Variants in FAM131B observed in about 807,000 individuals in gnomAD.
FAM131B encodes the protein protein FAM131B.
Under a neutral mutation model 42.0 loss-of-function variants are expected in FAM131B, and 19 were observed. That is an observed-to-expected ratio of 0.45 (90% CI 0.32 to 0.66). FAM131B has a LOEUF of 0.66. Ranked by LOEUF, FAM131B falls within the 30% of genes least tolerant of loss-of-function variation. The probability of loss-of-function intolerance (pLI) is 0.05; values close to 1 mark genes in which losing one functional copy is unlikely to be tolerated. For synonymous variants in FAM131B, 183 were observed against 177.6 expected (o/e 1.03, Z -0.24); for missense variants, 370 against 468.4 (o/e 0.79, Z 1.94).
chr7:143,356,451 G>A lies in FAM131B; in HGVS notation c.*99C>T, dbSNP rs1348993742. 28 of 868,342 alleles carry A rather than the reference G, an allele frequency of 3.2e-5. No individual in the cohort carries two copies. The Admixed American group carries it at 6.1e-4, about 19-fold the overall frequency. 53.8% of individuals were successfully genotyped at this position (868,342 alleles called of 1,614,324 possible). On this transcript the variant is annotated 3_prime_UTR_variant, in exon 7 of 7. Coordinates refer to ENST00000443739, the MANE Select transcript of FAM131B (RefSeq NM_001031690.3). This position sits in a 1 kb window ranked among gnomAD's most constrained non-coding sequence, Gnocchi z 4.4. ...GGAAGCTCCTGGGTTCCCCAATGTT[G>A]TCTGCCCAGTTTCAGCTGTACTGCT...
Position 143,359,846 on chromosome 7 carries a change from T to C in FAM131B, c.139-79A>G. The C allele has an allele frequency of 7.2e-7, 1 of 1,381,290 alleles. No homozygotes were observed. The highest frequency in any genetic ancestry group is 1.0e-6 in the Non-Finnish European group (1 of 993,938). The allele number at this position is 1,381,290 out of a possible 1,614,324, so 85.6% of individuals were successfully genotyped here. On this transcript the variant is annotated intron_variant, in intron 2 of 6. Transcript: ENST00000443739. This position sits in a 1 kb window ranked among gnomAD's most constrained non-coding sequence, Gnocchi z 5.4. ...GGAAGCCCCCTTCCTCAGAGGGCCT[T>C]CCAGGAGTGCGGGATGTGGGGAGGG...
At position 143,356,576 on chromosome 7, in the gene FAM131B, C is replaced by T; in HGVS notation, c.1057G>A (p.Glu353Lys). ...VTSSGVQSFDEEEGEANN is the reference protein window; with the variant it reads ...VTSSGVQSFDKEEGEANN The stretch of plus-strand genomic sequence containing the variant: ...TAGTTGTTGGCCTCGCCTTCCTCCT[C>T]ATCAAAGGACTGCACACCTGAGGAT... The change falls in exon 7 of 7, where the codon GAG becomes AAG. Residue 353 changes from glutamate (E) to lysine (K), a missense_variant. Physicochemically the swap from Glu to Lys is moderately conservative, Grantham distance 56. Coordinates refer to ENST00000443739, the MANE Select transcript of FAM131B (RefSeq NM_001031690.3). This position sits in a 1 kb window ranked among gnomAD's most constrained non-coding sequence, Gnocchi z 4.4. 6.2e-7 allele frequency: 1 copy of T among 1,613,716 alleles called. No individual in the cohort carries two copies. Among genetic ancestry groups the T allele is most frequent in the Non-Finnish European group, 8.5e-7 (1 of 1,179,820 alleles).
At chr7:143,369,626 G>C in the FAM131B span, among the ~76,000 whole-genome samples, 1 of 144,862 alleles carries the variant, frequency 6.9e-6, no homozygotes. Flanking sequence ...AGTGAGCTGA[G>C]ATCGCACCAC....
At position 143,356,688 on chromosome 7, in the gene FAM131B, A is replaced by G; in HGVS notation, c.945T>C (p.Asp315=). Residue 315 remains aspartate (D), a synonymous_variant, in exon 7 of 7, where the codon GAT becomes GAC. Coordinates refer to ENST00000443739, the MANE Select transcript of FAM131B (RefSeq NM_001031690.3). The surrounding 1 kb of genome is among the most constrained non-coding windows in gnomAD (Gnocchi z 4.4). ...GTGACTCCAGGTCCCGGCATCCCGC[A>G]TCCTCTTCCTCCTCAGGTGCCAATG... ...KRPLAPEEEE[D]AGCRDLESLS... The G allele has an allele frequency of 6.2e-7, 1 of 1,614,048 alleles. No individual in the cohort carries two copies. Among genetic ancestry groups the G allele is most frequent in the Admixed American group, 1.7e-5 (1 of 60,006 alleles).
At chr7:143,382,060 C>T in the FAM131B span, 1 of 616,536 alleles carries the variant, frequency 1.6e-6, no homozygotes, top group Non-Finnish European at 2.8e-6. Flanking sequence ...CTGCACCACT[C>T]CTCGGCAGTG....
chr7:143,381,400 C>G, the FAM131B span: 6 of 1,198,380 alleles, frequency 5.0e-6, no homozygotes, highest in Non-Finnish European at 6.2e-6. Context: ...CGCGCACGCT[C>G]CGGCCTGCGG....
the FAM131B span, chr7:143,381,589 G>C: frequency 6.2e-7 from 1 of 1,610,750 alleles, no homozygotes; most frequent in Non-Finnish European, 8.5e-7. Flanking sequence ...CCCCCCGCCC[G>C]TCTCCCGCGA....
At chr7:143,368,908 A>C in the FAM131B span, among the ~76,000 whole-genome samples, 4 of 152,216 alleles carry the variant, frequency 2.6e-5, no homozygotes, top group Non-Finnish European at 5.9e-5. Flanking sequence ...CTGTTCCTAA[A>C]TAATGTGTTT....
At chr7:143,369,553 T>C in the FAM131B span, among the ~76,000 whole-genome samples, 9 of 151,746 alleles carry the variant, frequency 5.9e-5, no homozygotes, top group East Asian at 1.4e-3. Flanking sequence ...TGGGCACCTG[T>C]AGTCCTAGCT....
At chr7:143,381,412 G>C in the FAM131B span, 6 of 1,230,346 alleles carry the variant, frequency 4.9e-6, no homozygotes, top group Non-Finnish European at 6.1e-6. Context: ...GGCCTGCGGT[G>C]AGGCGCGGGG....
the FAM131B span, chr7:143,380,952 C>T: frequency 3.1e-6 from 1 of 321,980 alleles, no homozygotes; most frequent in Non-Finnish European, 4.5e-6. This position sits in a 1 kb window ranked among gnomAD's most constrained non-coding sequence, Gnocchi z 5.0. Context: ...CGGCGGCACC[C>T]GCCCCACCTC....
chr7:143,360,410 G>T, intron 1 of FAM131B: 2 of 1,330,094 alleles, frequency 1.5e-6, no homozygotes, highest in African/African-American at 1.5e-5. Context: ...CAGAGGTTGG[G>T]TTTTATCAGA....
At chr7:143,357,180 G>T in intron 6 of FAM131B, 100 bp downstream of exon 6, 1 of 1,324,100 alleles carries the variant, frequency 7.6e-7, no homozygotes, top group Non-Finnish European at 1.1e-6. Context: ...AAGCTGAGAT[G>T]GACAAGGAAG....
At position 143,358,882 on chromosome 7, in the gene FAM131B, A is replaced by G. The variant is rs750114067; in HGVS notation, c.411T>C (p.Asp137=). The G allele has an allele frequency of 4.3e-6, 7 of 1,614,134 alleles. No individual in the cohort carries two copies. Among genetic ancestry groups the G allele is most frequent in the Middle Eastern group, 1.6e-4 (1 of 6,062 alleles). Residue 137 remains aspartate, a synonymous_variant, in exon 5 of 7, where the codon GAT becomes GAC. Transcript: ENST00000443739. This position sits in a 1 kb window ranked among gnomAD's most constrained non-coding sequence, Gnocchi z 4.7. The part of the protein sequence containing the change: ...PQHSHESVRR[D]TDAYSDLSDG... ...CGCTGAGGTCGGAGTAGGCATCCGT[A>G]TCCCTGCGCACGGACTCATGGCTGT...
chr7:143,381,067 A>C, the FAM131B span: 1 of 372,302 alleles, frequency 2.7e-6, no homozygotes, highest in Admixed American at 6.8e-5. Flanking sequence ...GCCTGTGCTC[A>C]GGGAGTGGGG....
the FAM131B span, among the ~76,000 whole-genome samples, chr7:143,368,167 G>A: frequency 3.3e-5 from 5 of 152,204 alleles, no homozygotes; most frequent in Admixed American, 6.5e-5. Flanking sequence ...AAGCAGCAGC[G>A]ACCAGGCAGG....
upstream of FAM131B, among the ~76,000 whole-genome samples, chr7:143,362,921 C>T (rs765508199): frequency 1.3e-4 from 19 of 151,588 alleles, no homozygotes; most frequent in Non-Finnish European, 2.5e-4. The surrounding 1 kb of genome is among the most constrained non-coding windows in gnomAD (Gnocchi z 7.7). Flanking sequence ...GATCTGGGGC[C>T]GCCGTCGCCG....
At position 143,359,977 on chromosome 7, in the gene FAM131B, G is replaced by A. The variant is rs1803875864; in HGVS notation, c.138+63C>T. The stretch of plus-strand genomic sequence containing the variant: ...GTCAGTCTGAAGGAGTGTTTGGGTT[G>A]TTGCCTTGGAATTGAGGAAGTGCAG... On this transcript the variant is annotated intron_variant, in intron 2 of 6. Coordinates refer to ENST00000443739, the MANE Select transcript of FAM131B (RefSeq NM_001031690.3). This position sits in a 1 kb window ranked among gnomAD's most constrained non-coding sequence, Gnocchi z 5.4. 3 of 1,269,858 alleles carry A rather than the reference G, an allele frequency of 2.4e-6. No homozygotes were observed. The highest frequency in any genetic ancestry group is 3.6e-5 in the Admixed American group (2 of 56,312). 78.7% of individuals were successfully genotyped at this position (1,269,858 alleles called of 1,614,324 possible). A position where few individuals can be genotyped will look rare whatever the true frequency, so the allele number is the denominator to read the frequency against.
the FAM131B span, chr7:143,379,589 C>T: frequency 6.6e-6 from 1 of 152,158 alleles, no homozygotes; most frequent in African/African-American, 2.4e-5. Context: ...CCTGGCAACC[C>T]AGAAAGGGAC....
Sources: gnomAD v4.1 joint callset for allele counts (sites outside exome capture counted in the v4.1 genomes callset) on GRCh38, gnomAD v4.1.1 for gene constraint, Gnocchi (gnomAD v3.1) non-coding constraint, MANE v1.5 for transcripts, NCBI Gene and HGNC (gene_info 2026-07-23, HGNC 2026-07-21) for gene names.